MSH3: variants seen among roughly 807,000 people sequenced by gnomAD.
MSH3 encodes the protein mutS homolog 3.
A neutral mutation model predicts 123.3 loss-of-function variants in MSH3; 106 were observed. That is an observed-to-expected ratio of 0.86 (90% CI 0.73 to 1.01). MSH3 has a LOEUF of 1.01. Ranked by LOEUF, MSH3 falls within the 50% of genes least tolerant of loss-of-function variation. The pLI, the probability that MSH3 is intolerant of heterozygous loss-of-function variation, is 0.00. For synonymous variants in MSH3, 515 were observed against 481.4 expected (o/e 1.07, Z -0.91); for missense variants, 1,459 against 1,347.6 (o/e 1.08, Z -1.29).
At chr5:80,739,179 C>G (rs990877357) in intron 10 of MSH3, among the ~76,000 whole-genome samples, 1 of 152,184 alleles carries the variant, frequency 6.6e-6, no homozygotes, top group Admixed American at 6.5e-5. Context: ...TTAGTTAAAC[C>G]TAATTGTCAG....
At chr5:80,765,454 T>A (rs1247939679) in intron 13 of MSH3, among the ~76,000 whole-genome samples, 2 of 152,198 alleles carry the variant, frequency 1.3e-5, no homozygotes, top group Non-Finnish European at 2.9e-5. Context: ...CAACATTTGC[T>A]CAGTTGGACC....
chr5:80,836,566 A>AAAAG (rs1561494105), intron 20 of MSH3, among the ~76,000 whole-genome samples: 2 of 144,818 alleles, frequency 1.4e-5, no homozygotes, highest in African/African-American at 2.6e-5. Flanking sequence ...AAAAAAAAAA[A>AAAAG]GCTCTGAATT....
At position 80,864,929 on chromosome 5, in the gene MSH3, C is replaced by T. The variant is rs1746075359; in HGVS notation, c.3117C>T (p.Ser1039=). ...HMGFLVSEDE[S]KLDPGAAEQV... The stretch of plus-strand genomic sequence containing the variant: ...GATTCTTGGTCAGTGAGGATGAAAG[C>T]AAACTGGATCCAGGTATGAAATATT... Residue 1039 remains serine (S), a synonymous_variant, in exon 22 of 24, where the codon AGC becomes AGT. Transcript: ENST00000265081. 5.0e-6 allele frequency: 8 copies of T among 1,613,920 alleles called. No individual in the cohort carries two copies. The highest frequency in any genetic ancestry group is 6.8e-6 in the Non-Finnish European group (8 of 1,179,852).
chr5:80,809,972 A>T (rs532943955), intron 19 of MSH3, among the ~76,000 whole-genome samples: 1 of 151,950 alleles, frequency 6.6e-6, no homozygotes, highest in Admixed American at 6.6e-5. Flanking sequence ...TTTACCCATC[A>T]CACAAATGTC....
At chr5:80,841,720 T>G (rs1745628157) in intron 20 of MSH3, among the ~76,000 whole-genome samples, 1 of 152,252 alleles carries the variant, frequency 6.6e-6, no homozygotes, top group Non-Finnish European at 1.5e-5. Flanking sequence ...GAAGTGTCTG[T>G]TCATATCCTT....
intron 8 of MSH3, among the ~76,000 whole-genome samples, chr5:80,702,430 C>T (rs2112838852): frequency 6.6e-6 from 1 of 152,258 alleles, no homozygotes; most frequent in Non-Finnish European, 1.5e-5. Context: ...ATGACCACAC[C>T]ACAGGGTTAG....
chr5:80,747,641 C>T (rs1032010449), intron 12 of MSH3, among the ~76,000 whole-genome samples: 7 of 152,090 alleles, frequency 4.6e-5, no homozygotes, highest in Non-Finnish European at 8.8e-5. Flanking sequence ...TAGTCAGTGG[C>T]TCAGCTATAT....
chr5:80,668,480 TC>T (rs1257693056), intron 3 of MSH3, among the ~76,000 whole-genome samples: 58 of 152,208 alleles, frequency 3.8e-4, no homozygotes, highest in Non-Finnish European at 5.6e-4. Context: ...TTGGCCTCCT[TC>T]CCATGTTCAT....
chr5:80,713,652 T>C (rs991624935), intron 8 of MSH3, among the ~76,000 whole-genome samples: 4 of 152,218 alleles, frequency 2.6e-5, no homozygotes, highest in Non-Finnish European at 5.9e-5. Flanking sequence ...TTAATTTTTT[T>C]GATGCAGTGG....
chr5:80,813,575 A>G lies in MSH3; in HGVS notation c.2656-9A>G, dbSNP rs748924947. 3 of 1,614,036 alleles carry G rather than the reference A, an allele frequency of 1.9e-6. No homozygotes were observed. Among genetic ancestry groups the G allele is most frequent in the Admixed American group, 1.7e-5 (1 of 60,016 alleles). ...GGTACAATAAGTGAAATTCCTTTCT[A>G]ATTTTCAGGAGGACTCAGAGAGAGT... On this transcript the variant is annotated splice_polypyrimidine_tract_variant and intron_variant, in intron 19 of 23. Coordinates refer to ENST00000265081, the MANE Select transcript of MSH3 (RefSeq NM_002439.5).
chr5:80,864,621 GGAA>G (rs1343743175), intron 21 of MSH3, among the ~76,000 whole-genome samples, 189 bp from the exon 22 acceptor site: 5 of 152,090 alleles, frequency 3.3e-5, no homozygotes, highest in African/African-American at 4.8e-5. Flanking sequence ...CTGTGGAGGA[GGAA>G]GAAGAAGGGA....
intron 20 of MSH3, among the ~76,000 whole-genome samples, chr5:80,820,517 A>T (rs1745187822): frequency 6.6e-6 from 1 of 152,118 alleles, no homozygotes. Flanking sequence ...CCCTATTCCT[A>T]GTACTAAGTA....
intron 20 of MSH3, among the ~76,000 whole-genome samples, chr5:80,838,099 G>A (rs1356083115): frequency 6.6e-6 from 1 of 152,194 alleles, no homozygotes; most frequent in Non-Finnish European, 1.5e-5. Context: ...ATATAATCGT[G>A]AAATTAATAT....
Position 80,778,695 on chromosome 5 carries a change from A to G in MSH3, c.2319-25A>G, listed in dbSNP as rs768385646. ...GATTTTTTACTAACCTTGATTTCCT[A>G]TTTGTGTTCTTTCCCCTCTTCTAGC... On this transcript the variant is annotated intron_variant, in intron 16 of 23. Transcript: ENST00000265081. The G allele has an allele frequency of 4.2e-5, 55 of 1,319,228 alleles. No individual in the cohort carries two copies. Among genetic ancestry groups the G allele is most frequent in the South Asian group, 9.4e-5 (8 of 85,120 alleles). The allele number at this position is 1,319,228 out of a possible 1,614,324, so 81.7% of individuals were successfully genotyped here.
intron 19 of MSH3, among the ~76,000 whole-genome samples, chr5:80,798,692 TGTCA>T (rs1310808768): frequency 2.0e-5 from 3 of 152,244 alleles, no homozygotes; most frequent in Non-Finnish European, 4.4e-5. Context: ...ATTGTTTTCT[TGTCA>T]GTCCTTTCCT....
At chr5:80,844,031 C>G (rs1015159654) in intron 20 of MSH3, among the ~76,000 whole-genome samples, 3 of 151,884 alleles carry the variant, frequency 2.0e-5, no homozygotes, top group Non-Finnish European at 4.4e-5. Context: ...CTCTTGTGGG[C>G]ATTTAGTGCT....
intron 9 of MSH3, 48 bp from the exon 10 acceptor site, chr5:80,728,803 T>G (rs557201342): frequency 9.8e-7 from 1 of 1,016,450 alleles, no homozygotes; most frequent in African/African-American, 1.6e-5. Context: ...TTTAATTTGA[T>G]TAATTTAAAA....
At chr5:80,868,255 A>T (rs1746138719) in intron 22 of MSH3, among the ~76,000 whole-genome samples, 1 of 152,096 alleles carries the variant, frequency 6.6e-6, no homozygotes, top group African/African-American at 2.4e-5. Context: ...CAACCCAGCA[A>T]TCCTGTTACT....
intron 20 of MSH3, among the ~76,000 whole-genome samples, chr5:80,834,690 A>T (rs1046352871): frequency 1.3e-5 from 2 of 149,772 alleles, no homozygotes; most frequent in Non-Finnish European, 3.0e-5. Flanking sequence ...CTTAAAAATA[A>T]TAAAGTAAAA....
Sources: allele counts gnomAD v4.1 joint callset (sites outside exome capture counted in the v4.1 genomes callset), GRCh38; gene constraint gnomAD v4.1.1; transcripts MANE v1.5; gene names NCBI Gene and HGNC (gene_info 2026-07-23, HGNC 2026-07-21).